TMEM132B: variants seen among roughly 807,000 people sequenced by gnomAD.
TMEM132B encodes transmembrane protein 132B.
TMEM132B carries 18 observed loss-of-function variants against 90.8 expected under a neutral mutation model. That is an observed-to-expected ratio of 0.20 (90% CI 0.14 to 0.29). The LOEUF (loss-of-function observed/expected upper bound fraction) is 0.29. Ranked by LOEUF, TMEM132B falls within the 10% of genes least tolerant of loss-of-function variation. The pLI is 1.00. For synonymous variants in TMEM132B, 504 were observed against 523.3 expected, an observed-to-expected ratio of 0.96 and a Z score of 0.50; for missense variants, 1,096 against 1,326.8, an observed-to-expected ratio of 0.83 and a Z score of 2.70.
intron 2 of TMEM132B, among the ~76,000 whole-genome samples, chr12:125,400,854 T>G (rs1879299300): frequency 6.6e-6 from 1 of 152,186 alleles, no homozygotes; most frequent in South Asian, 2.1e-4. Flanking sequence ...ATGACTCCGC[T>G]CGACAGAATG....
chr12:125,634,800 C>T (rs1593035241), intron 5 of TMEM132B, among the ~76,000 whole-genome samples: 1 of 152,150 alleles, frequency 6.6e-6, no homozygotes, highest in Non-Finnish European at 1.5e-5. Context: ...ATCCAAGATG[C>T]AAGACAAAGT....
intron 1 of TMEM132B, among the ~76,000 whole-genome samples, chr12:125,245,017 G>T (rs111752036): frequency 1.2e-3 from 181 of 152,252 alleles, no homozygotes; most frequent in African/African-American, 4.0e-3. Flanking sequence ...AGTCAGCACC[G>T]ACCATCTCTG....
intron 1 of TMEM132B, among the ~76,000 whole-genome samples, chr12:125,333,086 G>A (rs749750924): frequency 6.6e-6 from 1 of 152,194 alleles, no homozygotes; most frequent in African/African-American, 2.4e-5. Context: ...TGAAGACTGC[G>A]GGAGGCGCTG....
intron 3 of TMEM132B, among the ~76,000 whole-genome samples, chr12:125,447,871 T>C (rs1175244035): frequency 1.3e-5 from 2 of 152,224 alleles, no homozygotes; most frequent in Admixed American, 6.5e-5. Flanking sequence ...TGTCAGTCTA[T>C]TTTTACTTTC....
At chr12:125,266,658 T>C (rs1392320927) in intron 1 of TMEM132B, among the ~76,000 whole-genome samples, 1 of 152,254 alleles carries the variant, frequency 6.6e-6, no homozygotes, top group Non-Finnish European at 1.5e-5. Flanking sequence ...GGGTTAGGCC[T>C]TCTCCACACC....
chr12:125,329,613 G>A (rs1342115951), intron 1 of TMEM132B, among the ~76,000 whole-genome samples: 2 of 152,168 alleles, frequency 1.3e-5, no homozygotes, highest in African/African-American at 4.8e-5. Context: ...CAATGGGTTG[G>A]TTACTTTCCT....
chr12:125,289,587 A>G (rs1318927496), intron 1 of TMEM132B, among the ~76,000 whole-genome samples: 1 of 152,258 alleles, frequency 6.6e-6, no homozygotes, highest in African/African-American at 2.4e-5. Flanking sequence ...GAGAATAACA[A>G]TAGTGGCATG....
chr12:125,246,139 C>T lies in TMEM132B; in HGVS notation c.67+59273C>T, dbSNP rs999673926. The stretch of plus-strand genomic sequence containing the variant: ...CCTCTCCAGTGATCCAGTGATCCTG[C>T]TGGCTTTCCGCTTCATGACAGTGAT... On this transcript the variant is annotated intron_variant, in intron 1 of 8. Coordinates refer to ENST00000682704, the MANE Select transcript of TMEM132B (RefSeq NM_001366854.1). The surrounding 1 kb of genome is among the most constrained non-coding windows in gnomAD (Gnocchi z 4.2). 5.3e-5 allele frequency among the ~76,000 whole-genome samples: 8 copies of T among 152,244 alleles called. No homozygotes were observed. The highest frequency in any genetic ancestry group is 7.3e-5 in the Non-Finnish European group (5 of 68,046).
At chr12:125,258,222 T>G (rs1324917970) in intron 1 of TMEM132B, among the ~76,000 whole-genome samples, 1 of 152,220 alleles carries the variant, frequency 6.6e-6, no homozygotes, top group Non-Finnish European at 1.5e-5. Flanking sequence ...TTCCAGGTAC[T>G]ATTGCTGCAT....
intron 2 of TMEM132B, among the ~76,000 whole-genome samples, chr12:125,376,880 C>T (rs984530862): frequency 2.0e-5 from 3 of 152,234 alleles, no homozygotes; most frequent in Non-Finnish European, 4.4e-5. Flanking sequence ...AAATAAATGC[C>T]TGCTCCAGTG....
chr12:125,311,973 A>G (rs1876135460), intron 1 of TMEM132B, among the ~76,000 whole-genome samples: 1 of 152,344 alleles, frequency 6.6e-6, no homozygotes, highest in South Asian at 2.1e-4. Context: ...AGGTGCTCAT[A>G]TACAAACAAT....
intron 4 of TMEM132B, among the ~76,000 whole-genome samples, chr12:125,547,866 T>C (rs2136749742): frequency 6.6e-6 from 1 of 152,350 alleles, no homozygotes; most frequent in South Asian, 2.1e-4. Flanking sequence ...CTGTGATCTG[T>C]CTGCCTGCTG....
Position 125,209,470 on chromosome 12 carries a change from A to G in TMEM132B, c.67+22604A>G, listed in dbSNP as rs777765886. ...GCCCCCTTTCTGTCCTGGTCACCTC[A>G]GGGGAGAAGGGTGTTGGCTCAGTCA... On this transcript the variant is annotated intron_variant, in intron 1 of 8. Coordinates refer to ENST00000682704, the MANE Select transcript of TMEM132B (RefSeq NM_001366854.1). The surrounding 1 kb of genome is among the most constrained non-coding windows in gnomAD (Gnocchi z 4.4). 6.6e-6 allele frequency among the ~76,000 whole-genome samples: 1 copy of G among 152,210 alleles called. No individual in the cohort carries two copies. Among genetic ancestry groups the G allele is most frequent in the African/African-American group, 2.4e-5 (1 of 41,460 alleles).
At chr12:125,356,412 C>T (rs929464848) in intron 2 of TMEM132B, among the ~76,000 whole-genome samples, 4 of 152,210 alleles carry the variant, frequency 2.6e-5, no homozygotes, top group Admixed American at 6.5e-5. Context: ...GTGGTCAGGT[C>T]AGACTCTTCC....
chr12:125,210,091 GC>G (rs1873286908), intron 1 of TMEM132B, among the ~76,000 whole-genome samples: 1 of 152,324 alleles, frequency 6.6e-6, no homozygotes, highest in Non-Finnish European at 1.5e-5. Context: ...CAGATGAGAA[GC>G]TAGATAGGTC....
At chr12:125,462,440 A>G (rs1171307125) in intron 3 of TMEM132B, among the ~76,000 whole-genome samples, 2 of 152,216 alleles carry the variant, frequency 1.3e-5, no homozygotes, top group Non-Finnish European at 2.9e-5. Context: ...AAGCTAGACC[A>G]TAAATAAGTA....
At chr12:125,613,326 C>T (rs1219032876) in intron 5 of TMEM132B, among the ~76,000 whole-genome samples, 2 of 147,528 alleles carry the variant, frequency 1.4e-5, no homozygotes, top group Non-Finnish European at 3.0e-5. Context: ...ATGGGATATC[C>T]ACAACCGAAT....
intron 4 of TMEM132B, among the ~76,000 whole-genome samples, chr12:125,574,775 T>G (rs1017310925): frequency 2.6e-5 from 4 of 151,946 alleles, no homozygotes; most frequent in African/African-American, 9.7e-5. Context: ...AAATTTTTTC[T>G]CATTGGCAAA....
intron 1 of TMEM132B, among the ~76,000 whole-genome samples, chr12:125,292,733 C>T (rs544056957): frequency 6.6e-6 from 1 of 152,306 alleles, no homozygotes; most frequent in Admixed American, 6.5e-5. Flanking sequence ...AAATTTATGT[C>T]ATTCGTATAG....
Sources: gnomAD v4.1 joint callset for allele counts (sites outside exome capture counted in the v4.1 genomes callset) on GRCh38, gnomAD v4.1.1 for gene constraint, Gnocchi (gnomAD v3.1) non-coding constraint, MANE v1.5 for transcripts, NCBI Gene and HGNC (gene_info 2026-07-23, HGNC 2026-07-21) for gene names.